The following FYN variants were observed in gnomAD, a reference collection of about 807,000 sequenced individuals.
FYN encodes the protein FYN proto-oncogene, Src family tyrosine kinase.
FYN carries 10 observed loss-of-function variants against 70.2 expected under a neutral mutation model. That is an observed-to-expected ratio of 0.14 (90% CI 0.09 to 0.24). The LOEUF (loss-of-function observed/expected upper bound fraction) is 0.24. Among genes scored for constraint, FYN ranks in the 10% least tolerant of loss-of-function variants. The pLI is 1.00. For missense variants in FYN, 319 were observed against 673.1 expected (o/e 0.47, Z 5.82); for synonymous variants, 236 against 248.6 (o/e 0.95, Z 0.48).
chr6:111,669,206 G>A (rs1798145397), intron 13 of FYN, among the ~76,000 whole-genome samples: 1 of 152,128 alleles, frequency 6.6e-6, no homozygotes, highest in African/African-American at 2.4e-5. Context: ...AGGCCAAGGA[G>A]AGTGGATCAC....
At chr6:111,682,011 TCTC>T (rs1444124700) in intron 12 of FYN, among the ~76,000 whole-genome samples, 1 of 152,148 alleles carries the variant, frequency 6.6e-6, no homozygotes. Context: ...ATTTAAAAAA[TCTC>T]CTTAAATAGA....
intron 2 of FYN, among the ~76,000 whole-genome samples, chr6:111,845,923 C>T (rs1183264045): frequency 6.6e-6 from 1 of 152,180 alleles, no homozygotes; most frequent in Admixed American, 6.5e-5. Flanking sequence ...CTCACACCCA[C>T]TCCATCATGG....
intron 3 of FYN, among the ~76,000 whole-genome samples, chr6:111,723,998 T>C (rs1185890185): frequency 2.0e-5 from 3 of 152,276 alleles, no homozygotes; most frequent in South Asian, 2.1e-4. Flanking sequence ...ACCAATTGGA[T>C]CCTGTGCCTG....
intron 2 of FYN, among the ~76,000 whole-genome samples, chr6:111,838,961 C>T (rs913701273): frequency 6.6e-6 from 1 of 152,214 alleles, no homozygotes; most frequent in African/African-American, 2.4e-5. Flanking sequence ...CAGACCGGGG[C>T]TTCCTTTTAC....
At chr6:111,739,527 G>A (rs759007166) in intron 3 of FYN, among the ~76,000 whole-genome samples, 2 of 152,228 alleles carry the variant, frequency 1.3e-5, no homozygotes, top group African/African-American at 2.4e-5. Flanking sequence ...AGGCCCCGCC[G>A]CTGGGCAGTT....
At chr6:111,814,345 C>A (rs1166404597) in intron 2 of FYN, among the ~76,000 whole-genome samples, 1 of 152,072 alleles carries the variant, frequency 6.6e-6, no homozygotes, top group Non-Finnish European at 1.5e-5. Context: ...AACGATAAAG[C>A]CATTTTCATT....
chr6:111,820,901 T>C lies in FYN; in HGVS notation c.-82+25688A>G, dbSNP rs925303551. 1.3e-5 allele frequency among the ~76,000 whole-genome samples: 2 copies of C among 152,136 alleles called. 1 individual carries two copies. Among genetic ancestry groups the C allele is most frequent in the East Asian group, 3.8e-4 (2 of 5,198 alleles). ...TAGCTATAAAACGATCCTATTTATG[T>C]TAAACAACAACAAACAACTAGGTTA... is the stretch of plus-strand genomic sequence containing the variant. On this transcript the variant is annotated intron_variant, in intron 2 of 13. Transcript: ENST00000354650.
At chr6:111,756,206 A>G (rs1430735636) in intron 3 of FYN, among the ~76,000 whole-genome samples, 1 of 152,136 alleles carries the variant, frequency 6.6e-6, no homozygotes, top group African/African-American at 2.4e-5. Context: ...CACTACTATG[A>G]AGAAATATGT....
At chr6:111,707,901 T>A (rs1438328461) in intron 6 of FYN, 21 bp downstream of exon 6, 2 of 1,582,876 alleles carry the variant, frequency 1.3e-6, no homozygotes, top group Non-Finnish European at 1.7e-6. Flanking sequence ...AGTAGTTAAG[T>A]GAAAACAAAA....
At chr6:111,749,597 T>C (rs1226383872) in intron 3 of FYN, among the ~76,000 whole-genome samples, 3 of 152,228 alleles carry the variant, frequency 2.0e-5, no homozygotes, top group Non-Finnish European at 2.9e-5. Flanking sequence ...TTCTACCCTA[T>C]TTCTTTTCAT....
chr6:111,773,577 GGAGGGGGAGGGAAAGGGAA>G (rs2128501980), intron 3 of FYN, among the ~76,000 whole-genome samples: 1 of 24,240 alleles, frequency 4.1e-5, no homozygotes, highest in Non-Finnish European at 7.1e-5. Flanking sequence ...AGGGAGAGGG[GGAGGGGGAGGGAAAGGGAA>G]AGGGAGAGAG....
chr6:111,700,358 G>A (rs550592220), intron 8 of FYN, 90 bp from the exon 9 acceptor site: 10 of 1,329,064 alleles, frequency 7.5e-6, no homozygotes, highest in South Asian at 2.6e-5. Context: ...CACTAGCGGC[G>A]CACAGTGCTC....
intron 2 of FYN, among the ~76,000 whole-genome samples, chr6:111,829,460 T>C (rs537174876): frequency 2.0e-5 from 3 of 152,198 alleles, no homozygotes; most frequent in Admixed American, 1.3e-4. Context: ...CTAATGCTTA[T>C]TAAGGTGCAG....
At chr6:111,744,121 T>C (rs1297597672) in intron 3 of FYN, among the ~76,000 whole-genome samples, 1 of 152,236 alleles carries the variant, frequency 6.6e-6, no homozygotes, top group Admixed American at 6.5e-5. Flanking sequence ...CCCAGAGGAA[T>C]GATGCAGCTG....
intron 2 of FYN, among the ~76,000 whole-genome samples, chr6:111,837,313 G>C (rs1411054667): frequency 6.6e-6 from 1 of 152,156 alleles, no homozygotes. Context: ...AATGGGGAAA[G>C]TGGCAGGTAC....
chr6:111,674,683 T>C, intron 12 of FYN, 53 bp from the exon 13 acceptor site: 2 of 1,577,798 alleles, frequency 1.3e-6, no homozygotes, highest in Non-Finnish European at 1.7e-6. Flanking sequence ...GCAATGGGCA[T>C]GGGGTGTGGG....
chr6:111,703,912 C>T, intron 7 of FYN, 87 bp downstream of exon 7: 1 of 1,039,342 alleles, frequency 9.6e-7, no homozygotes, highest in Non-Finnish European at 1.5e-6. Flanking sequence ...TTTTAAAATC[C>T]TTGTACATTA....
At chr6:111,714,068 C>G (rs762593826) in intron 5 of FYN, among the ~76,000 whole-genome samples, 39 of 152,172 alleles carry the variant, frequency 2.6e-4, no homozygotes, top group Non-Finnish European at 5.1e-4. Flanking sequence ...GAGAGCGATG[C>G]TGGTGATTTT....
intron 3 of FYN, among the ~76,000 whole-genome samples, chr6:111,729,485 AAAG>A: frequency 2.0e-5 from 3 of 148,992 alleles, no homozygotes; most frequent in African/African-American, 2.6e-5. Context: ...AAAAAAAAAA[AAAG>A]GGGGTCGGGG....
Sources: allele counts gnomAD v4.1 joint callset (sites outside exome capture counted in the v4.1 genomes callset), GRCh38; gene constraint gnomAD v4.1.1; transcripts MANE v1.5; gene names NCBI Gene and HGNC (gene_info 2026-07-23, HGNC 2026-07-21).